The following MDGA2 variants were observed in gnomAD, a reference collection of about 807,000 sequenced individuals.
MDGA2 encodes MAM domain containing glycosylphosphatidylinositol anchor 2, also known as MAM domain-containing glycosylphosphatidylinositol anchor protein 2.
Under a neutral mutation model 117.8 loss-of-function variants are expected in MDGA2, and 40 were observed. The observed-to-expected ratio is 0.34, with a 90% CI of 0.26 to 0.44. The LOEUF (loss-of-function observed/expected upper bound fraction) is 0.44, where lower values mean the gene tolerates loss of function less well. Among genes scored for constraint, MDGA2 ranks in the 20% least tolerant of loss-of-function variants. The pLI, the probability that MDGA2 is intolerant of heterozygous loss-of-function variation, is 1.00. For synonymous variants in MDGA2, 452 were observed against 439.0 expected, an observed-to-expected ratio of 1.03 and a Z score of -0.37; for missense variants, 1,123 against 1,250.6, an observed-to-expected ratio of 0.90 and a Z score of 1.54.
At chr14:47,446,402 T>C (rs545640686) in intron 1 of MDGA2, among the ~76,000 whole-genome samples, 1 of 152,260 alleles carries the variant, frequency 6.6e-6, no homozygotes, top group South Asian at 2.1e-4. Flanking sequence ...CCTGGTTTCA[T>C]TACAGCTCAT....
intron 1 of MDGA2, among the ~76,000 whole-genome samples, chr14:47,391,981 T>C (rs771896435): frequency 3.3e-5 from 5 of 152,208 alleles, no homozygotes; most frequent in Non-Finnish European, 7.3e-5. Flanking sequence ...ACTTTTGGCA[T>C]GCTGTGAGGC....
At chr14:47,600,113 G>A (rs1343134653) in intron 1 of MDGA2, among the ~76,000 whole-genome samples, 1 of 151,956 alleles carries the variant, frequency 6.6e-6, no homozygotes, top group Non-Finnish European at 1.5e-5. Context: ...TATTGCATAT[G>A]GGCCAGGCGC....
chr14:47,251,932 T>TATC (rs3039441), intron 2 of MDGA2, among the ~76,000 whole-genome samples: 5 of 52,524 alleles, frequency 9.5e-5, no homozygotes, highest in South Asian at 1.0e-3. Context: ...GTTTCTCTTG[T>TATC]ATTATTATTA....
At chr14:47,393,983 G>A (rs537345715) in intron 1 of MDGA2, among the ~76,000 whole-genome samples, 2 of 152,050 alleles carry the variant, frequency 1.3e-5, no homozygotes, top group Non-Finnish European at 2.9e-5. Context: ...GAAGAAGAAG[G>A]ACAATTAAGT....
At chr14:47,228,242 C>G (rs545989714) in intron 2 of MDGA2, among the ~76,000 whole-genome samples, 1 of 152,076 alleles carries the variant, frequency 6.6e-6, no homozygotes, top group Non-Finnish European at 1.5e-5. Flanking sequence ...TAGTCATTTA[C>G]TAAATTTCCT....
chr14:47,326,236 T>A (rs12431958), intron 1 of MDGA2, among the ~76,000 whole-genome samples: 13,741 of 152,112 alleles, frequency 0.09, 764 homozygotes, highest in Non-Finnish European at 0.11. Flanking sequence ...TCCATAAATA[T>A]ACTGCTAATA....
At chr14:47,325,070 C>T (rs1258246856) in intron 1 of MDGA2, among the ~76,000 whole-genome samples, 3 of 151,708 alleles carry the variant, frequency 2.0e-5, no homozygotes, top group South Asian at 2.1e-4. Flanking sequence ...AGTTGATAAG[C>T]GTAGGAGAAA....
intron 7 of MDGA2, among the ~76,000 whole-genome samples, chr14:47,042,312 G>GTTTTTTTT (rs748830079): frequency 1.5e-5 from 2 of 130,016 alleles, no homozygotes; most frequent in East Asian, 2.2e-4. Flanking sequence ...CCAAATCTAT[G>GTTTTTTTT]TTTTTTTTTT....
At chr14:47,578,718 T>C (rs1250950073) in intron 1 of MDGA2, among the ~76,000 whole-genome samples, 1 of 152,074 alleles carries the variant, frequency 6.6e-6, no homozygotes, top group Non-Finnish European at 1.5e-5. Flanking sequence ...TTCTTTTGGA[T>C]TCTTTAAATG....
chr14:47,236,362 C>G (rs117836060), intron 2 of MDGA2, among the ~76,000 whole-genome samples: 1 of 150,322 alleles, frequency 6.7e-6, no homozygotes, highest in Non-Finnish European at 1.5e-5. Context: ...TTTTCCAAGA[C>G]CAAAGCTGAA....
At chr14:47,177,200 G>A (rs2139353038) in intron 3 of MDGA2, among the ~76,000 whole-genome samples, 1 of 152,284 alleles carries the variant, frequency 6.6e-6, no homozygotes, top group South Asian at 2.1e-4. Flanking sequence ...TACACTGTTG[G>A]TGGGACTATA....
In MDGA2 at chr14:47,292,071, T is replaced by C. The variant is rs566188995; in HGVS notation, c.420+9340A>G. 2.6e-5 allele frequency among the ~76,000 whole-genome samples: 4 copies of C among 152,364 alleles called. No individual in the cohort carries two copies. In the East Asian group the frequency reaches 7.7e-4, roughly 29 times the overall value. The stretch of plus-strand genomic sequence containing the variant: ...TTTGTTCCAGTGAAGATACCACATC[T>C]GATCCAGCAGCTGCGCTGATTTGGT... On this transcript the variant is annotated intron_variant, in intron 2 of 16. Coordinates refer to ENST00000399232, the MANE Select transcript of MDGA2 (RefSeq NM_001113498.3).
At chr14:47,441,019 C>G (rs551530087) in intron 1 of MDGA2, among the ~76,000 whole-genome samples, 5 of 152,096 alleles carry the variant, frequency 3.3e-5, no homozygotes, top group Middle Eastern at 3.4e-3. Context: ...GTAAGAGTGA[C>G]AGATCTGTGC....
chr14:46,920,045 A>T lies in MDGA2; in HGVS notation c.2205T>A (p.Asp735Glu), dbSNP rs781471909. Residue 735 changes from aspartate (D) to glutamate (E), a missense_variant, in exon 10 of 17, where the codon GAT (aspartate) becomes GAA (glutamate). By Grantham distance (45) the Asp-to-Glu change is conservative (BLOSUM62 2). Coordinates refer to ENST00000399232, the MANE Select transcript of MDGA2 (RefSeq NM_001113498.3). ...TGCCCAACCGGTATGCAACAATCCG[A>T]TCCACTGCATCAGGATTCATCTGTG... ...QWTQMNPDAV[D>E]RIVAYRLGIR... is the part of the protein sequence containing the mutation. 1.3e-6 allele frequency: 2 copies of T among 1,590,524 alleles called. No homozygotes were observed.
chr14:46,844,923 C>G (rs986100871), intron 16 of MDGA2, among the ~76,000 whole-genome samples: 1 of 152,074 alleles, frequency 6.6e-6, no homozygotes, highest in Admixed American at 6.6e-5. Context: ...GCTCTGTCGC[C>G]CAGGCTGGAG....
chr14:47,349,526 T>G, intron 1 of MDGA2, among the ~76,000 whole-genome samples: 1 of 152,240 alleles, frequency 6.6e-6, no homozygotes, highest in East Asian at 1.9e-4. Flanking sequence ...TATATGTGAC[T>G]TTTCAAAGCA....
At chr14:47,205,021 T>C (rs1885632248) in intron 3 of MDGA2, among the ~76,000 whole-genome samples, 1 of 151,922 alleles carries the variant, frequency 6.6e-6, no homozygotes, top group South Asian at 2.1e-4. Flanking sequence ...CATTCACACA[T>C]ATACTAGCAA....
At chr14:46,982,976 G>A (rs1025867336) in intron 8 of MDGA2, among the ~76,000 whole-genome samples, 1 of 151,896 alleles carries the variant, frequency 6.6e-6, no homozygotes, top group African/African-American at 2.4e-5. Flanking sequence ...TTTGAGATAC[G>A]TCCCATCAAT....
intron 15 of MDGA2, among the ~76,000 whole-genome samples, chr14:46,851,923 T>A (rs1881072955): frequency 6.6e-6 from 1 of 151,686 alleles, no homozygotes; most frequent in African/African-American, 2.4e-5. Context: ...AAAAACTTTT[T>A]ATAAAACAAT....
Sources: gnomAD v4.1 joint callset for allele counts (sites outside exome capture counted in the v4.1 genomes callset) on GRCh38, gnomAD v4.1.1 for gene constraint, MANE v1.5 for transcripts, NCBI Gene and HGNC (gene_info 2026-07-23, HGNC 2026-07-21) for gene names.